The following CHST9 variants were observed in gnomAD, a reference collection of about 807,000 sequenced individuals.
CHST9 encodes the protein GalNAc-4-sulfotransferase 2.
A neutral mutation model predicts 44.4 loss-of-function variants in CHST9; 41 were observed. That is an observed-to-expected ratio of 0.92 (90% CI 0.72 to 1.20). CHST9 has a LOEUF of 1.20. Among genes scored for constraint, CHST9 ranks in the 50% most tolerant of loss-of-function variants. The pLI is 0.00. For missense variants in CHST9, 504 were observed against 516.5 expected (o/e 0.98, Z 0.23); for synonymous variants, 171 against 178.4 (o/e 0.96, Z 0.33).
intron 2 of CHST9, among the ~76,000 whole-genome samples, chr18:27,096,581 C>T (rs2058119035): frequency 6.6e-6 from 1 of 151,624 alleles, no homozygotes; most frequent in South Asian, 2.1e-4. Flanking sequence ...TAAGCATAAT[C>T]AGAAATAACA....
chr18:27,106,396 G>C (rs1200828272), intron 2 of CHST9, among the ~76,000 whole-genome samples: 2 of 152,098 alleles, frequency 1.3e-5, no homozygotes, highest in Admixed American at 1.3e-4. Flanking sequence ...CTCTAATTTT[G>C]TTAATGCCAT....
intron 4 of CHST9, among the ~76,000 whole-genome samples, chr18:26,990,610 T>C (rs2056805303): frequency 6.6e-6 from 1 of 152,304 alleles, no homozygotes; most frequent in Admixed American, 6.5e-5. Context: ...ATGTCATGCA[T>C]CATTTTCTCT....
intron 1 of CHST9, among the ~76,000 whole-genome samples, chr18:27,150,542 C>T (rs573273427): frequency 4.6e-5 from 7 of 152,172 alleles, no homozygotes; most frequent in Non-Finnish European, 7.3e-5. Context: ...GTCTAACAGG[C>T]TTACTACAGT....
chr18:26,985,695 T>A (rs2056746808), intron 4 of CHST9, among the ~76,000 whole-genome samples: 1 of 152,160 alleles, frequency 6.6e-6, no homozygotes, highest in Admixed American at 6.5e-5. Flanking sequence ...CAATTTCTGA[T>A]GAGTACATGC....
chr18:26,938,628 T>C (rs2056035762), intron 5 of CHST9, among the ~76,000 whole-genome samples: 2 of 152,318 alleles, frequency 1.3e-5, no homozygotes, highest in Admixed American at 6.5e-5. Context: ...CATCAGTGAG[T>C]GGCACTGCCA....
Position 27,142,783 on chromosome 18 carries a change from G to C in CHST9, c.27C>G (p.Asn9Lys). MQPSEMVM[N>K]PKQVFLSVLI... ...GCACAGAGAGGAAGACTTGTTTGGG[G>C]TTCATGACCATTTCAGATGGCTGCA... The change falls in exon 2 of 6, where the codon AAC becomes AAG. Residue 9 changes from asparagine (N) to lysine (K), a missense_variant. Physicochemically the swap from Asn to Lys is moderately conservative, Grantham distance 94 (BLOSUM62 0). Transcript: ENST00000618847. 17 of 1,610,354 alleles carry C rather than the reference G, an allele frequency of 1.1e-5. No individual in the cohort carries two copies. Among genetic ancestry groups the C allele is most frequent in the Non-Finnish European group, 1.4e-5 (16 of 1,178,458 alleles).
intron 4 of CHST9, among the ~76,000 whole-genome samples, chr18:26,946,981 G>A (rs377577910): frequency 6.6e-4 from 100 of 152,248 alleles, no homozygotes; most frequent in Middle Eastern, 3.4e-3. Flanking sequence ...TTTTTGCTTA[G>A]GGTTGTCTTG....
chr18:27,114,650 T>G (rs1176732746), intron 2 of CHST9, among the ~76,000 whole-genome samples: 2 of 152,192 alleles, frequency 1.3e-5, no homozygotes, highest in African/African-American at 2.4e-5. Flanking sequence ...TAATCTACTT[T>G]CTGTCTCTAT....
Position 27,146,279 on chromosome 18 carries a change from T to A in CHST9, c.-96-3374A>T, listed in dbSNP as rs577658526. 9.2e-5 allele frequency among the ~76,000 whole-genome samples: 14 copies of A among 152,322 alleles called. No individual in the cohort carries two copies. In the East Asian group the frequency reaches 2.7e-3, roughly 29 times the overall value. ...AGTAGAAAACCCATAATTGTTATTA[T>A]GGCAGATGTGAGTAGGATTGAGTGA... On this transcript the variant is annotated intron_variant, in intron 1 of 5. Coordinates refer to ENST00000618847, the MANE Select transcript of CHST9 (RefSeq NM_031422.6).
At position 26,914,562 on chromosome 18, in the gene CHST9, G is replaced by A. The variant is rs184035911; in HGVS notation, c.*1697C>T. 1 of 181,240 alleles carries A rather than the reference G, an allele frequency of 5.5e-6. No homozygotes were observed. Among genetic ancestry groups the A allele is most frequent in the Admixed American group, 6.2e-5 (1 of 16,130 alleles). The allele number at this position is 181,240 out of a possible 1,614,324, so 11.2% of individuals were successfully genotyped here. A position where few individuals can be genotyped will look rare whatever the true frequency, so the allele number is the denominator to read the frequency against. On this transcript the variant is annotated 3_prime_UTR_variant, in exon 6 of 6. Transcript: ENST00000618847. Reference sequence around the variant, plus strand: ...TTAAGTGTATGGTCTAGAGGCAAGAGTTAATGGCATGGAAAAGTAGTAAAA... The same window carrying A: ...TTAAGTGTATGGTCTAGAGGCAAGAATTAATGGCATGGAAAAGTAGTAAAA...
At position 27,044,784 on chromosome 18, in the gene CHST9, T is replaced by A. The variant is rs191660958; in HGVS notation, c.160+3681A>T. On this transcript the variant is annotated intron_variant, in intron 3 of 5. Transcript: ENST00000618847. ...AAATATTATTTGCATTCAATAAATG[T>A]GACATATAATAAAATGAACATGTTA... Among the ~76,000 whole-genome samples the A allele has an allele frequency of 3.9e-5, 6 of 152,134 alleles. No homozygotes were observed. In the East Asian group the frequency reaches 1.2e-3, roughly 30 times the overall value.
At chr18:26,991,047 G>A (rs2145208113) in intron 4 of CHST9, among the ~76,000 whole-genome samples, 1 of 152,274 alleles carries the variant, frequency 6.6e-6, no homozygotes, top group South Asian at 2.1e-4. Context: ...TGAAATGGGG[G>A]ACCTATGCAG....
At chr18:27,155,686 C>T (rs1208794941) in intron 1 of CHST9, among the ~76,000 whole-genome samples, 5 of 152,118 alleles carry the variant, frequency 3.3e-5, no homozygotes, top group Non-Finnish European at 7.4e-5. Context: ...ATACACAATT[C>T]CTTCAGCCAT....
At chr18:27,005,660 T>G (rs2057007538) in intron 4 of CHST9, among the ~76,000 whole-genome samples, 1 of 152,200 alleles carries the variant, frequency 6.6e-6, no homozygotes, top group Non-Finnish European at 1.5e-5. Flanking sequence ...TTCCTCATTT[T>G]ATTGATGAGG....
At chr18:27,042,025 T>C (rs571035485) in intron 3 of CHST9, among the ~76,000 whole-genome samples, 2 of 152,216 alleles carry the variant, frequency 1.3e-5, no homozygotes, top group African/African-American at 4.8e-5. Context: ...TCAGGAAAGC[T>C]GCTTAAAAAA....
At chr18:26,954,057 A>G (rs912860709) in intron 4 of CHST9, among the ~76,000 whole-genome samples, 1 of 152,128 alleles carries the variant, frequency 6.6e-6, no homozygotes, top group Non-Finnish European at 1.5e-5. Context: ...GGAGTTCTGG[A>G]GTATCACATC....
intron 4 of CHST9, among the ~76,000 whole-genome samples, chr18:27,015,239 C>T (rs1311100130): frequency 6.6e-6 from 1 of 152,054 alleles, no homozygotes; most frequent in Non-Finnish European, 1.5e-5. Flanking sequence ...CATGATTAGA[C>T]ATCCTGGCAC....
In CHST9 at chr18:26,913,865, A is replaced by G. The variant is rs1157454374; in HGVS notation, c.*2394T>C. The G allele has an allele frequency of 6.6e-6, 1 of 152,230 alleles. No homozygotes were observed. The highest frequency in any genetic ancestry group is 2.4e-5 in the African/African-American group (1 of 41,468). 9.4% of individuals were successfully genotyped at this position (152,230 alleles called of 1,614,324 possible). A position where few individuals can be genotyped will look rare whatever the true frequency, so the allele number is the denominator to read the frequency against. ...GCTTTAAACTCACAAGTAATCCAGG[A>G]TGATGACTGGCTTCTTTGGTCCTAA... On this transcript the variant is annotated 3_prime_UTR_variant, in exon 6 of 6. Coordinates refer to ENST00000618847, the MANE Select transcript of CHST9 (RefSeq NM_031422.6).
chr18:26,996,685 T>C (rs2056891698), intron 4 of CHST9, among the ~76,000 whole-genome samples: 1 of 152,166 alleles, frequency 6.6e-6, no homozygotes, highest in Non-Finnish European at 1.5e-5. Flanking sequence ...GGATACAGAC[T>C]CTAGTTAAAG....
Sources: allele counts gnomAD v4.1 joint callset (sites outside exome capture counted in the v4.1 genomes callset), GRCh38; gene constraint gnomAD v4.1.1; transcripts MANE v1.5; gene names NCBI Gene and HGNC (gene_info 2026-07-23, HGNC 2026-07-21).